Variants in ASB2 observed in about 807,000 individuals in gnomAD.
ASB2 encodes ankyrin repeat and SOCS box containing 2.
A neutral mutation model predicts 62.4 loss-of-function variants in ASB2; 58 were observed. The ratio of observed to expected loss-of-function variants is 0.93; its 90% CI spans 0.75 to 1.16. ASB2 has a LOEUF of 1.16. ASB2 is among the 50% of genes most tolerant of loss of function. ASB2 has a pLI of 0.00. For missense variants in ASB2, 928 were observed against 887.9 expected, an observed-to-expected ratio of 1.05 and a Z score of -0.57; for synonymous variants, 386 against 385.3, an observed-to-expected ratio of 1.00 and a Z score of -0.02.
chr14:93,937,229 G>T (rs1888302166), intron 9 of ASB2, among the ~76,000 whole-genome samples: 1 of 152,202 alleles, frequency 6.6e-6, no homozygotes, highest in Non-Finnish European at 1.5e-5. Flanking sequence ...TTGAAATGCA[G>T]ACTCCCCGGC....
chr14:93,934,247 C>T lies in ASB2; in HGVS notation c.*409G>A, dbSNP rs1311313103. Reference sequence around the variant, plus strand: ...TCCCCCTACCCCCTACCTTGGGCCACGTCTTCATCTTAGTCTTTGGAGAGA... The same window carrying T: ...TCCCCCTACCCCCTACCTTGGGCCATGTCTTCATCTTAGTCTTTGGAGAGA... On this transcript the variant is annotated 3_prime_UTR_variant, in exon 10 of 10. Coordinates refer to ENST00000555019, the MANE Select transcript of ASB2 (RefSeq NM_001202429.2). The T allele has an allele frequency of 1.1e-5, 5 of 457,266 alleles. No individual in the cohort carries two copies. The highest frequency in any genetic ancestry group is 1.8e-5 in the Non-Finnish European group (4 of 228,418). The allele number at this position is 457,266 out of a possible 1,614,324, so 28.3% of individuals were successfully genotyped here. A position where few individuals can be genotyped will look rare whatever the true frequency, so the allele number is the denominator to read the frequency against.
chr14:93,950,671 G>C (rs536437883), intron 6 of ASB2, among the ~76,000 whole-genome samples: 1 of 152,316 alleles, frequency 6.6e-6, no homozygotes, highest in South Asian at 2.1e-4. Flanking sequence ...CTATAGATAA[G>C]TCACTTCCTC....
At chr14:93,940,713 C>T (rs1049667833) in intron 7 of ASB2, among the ~76,000 whole-genome samples, 1 of 152,232 alleles carries the variant, frequency 6.6e-6, no homozygotes, top group African/African-American at 2.4e-5. Flanking sequence ...CTGCAACCAC[C>T]AGTTCCTCTC....
intron 2 of ASB2, among the ~76,000 whole-genome samples, chr14:93,961,540 A>G (rs1465236285): frequency 2.0e-5 from 3 of 152,354 alleles, no homozygotes; most frequent in Non-Finnish European, 4.4e-5. Flanking sequence ...GAGAGCAAGT[A>G]AGAGGTGAAA....
chr14:93,969,137 T>C (rs754728222), intron 1 of ASB2, among the ~76,000 whole-genome samples: 1 of 152,192 alleles, frequency 6.6e-6, no homozygotes, highest in Non-Finnish European at 1.5e-5. Context: ...AAAGGGTTCA[T>C]GTGTGTACAG....
intron 2 of ASB2, among the ~76,000 whole-genome samples, chr14:93,962,442 C>A (rs1371639897): frequency 6.6e-6 from 1 of 152,164 alleles, no homozygotes; most frequent in African/African-American, 2.4e-5. Context: ...AGAACCGAAC[C>A]TAGGAGGTTT....
chr14:93,939,018 C>T, intron 8 of ASB2, 90 bp downstream of exon 8: 1 of 1,209,966 alleles, frequency 8.3e-7, no homozygotes, highest in Non-Finnish European at 1.1e-6. Context: ...GGAGCGCGAA[C>T]CACCCGGCCC....
At chr14:93,956,668 G>GC in intron 3 of ASB2, 98 bp downstream of exon 3, 1 of 1,527,056 alleles carries the variant, frequency 6.5e-7, no homozygotes, top group South Asian at 1.1e-5. Flanking sequence ...AGTGCCCTCT[G>GC]CCCTCCTGGG....
Position 93,964,215 on chromosome 14 carries a change from G to A in ASB2, c.206+119C>T, listed in dbSNP as rs1029391836. 33 of 857,068 alleles carry A rather than the reference G, an allele frequency of 3.9e-5. No homozygotes were observed. The East Asian group carries it at 4.0e-4, about 10-fold the overall frequency. The allele number at this position is 857,068 out of a possible 1,614,324, so 53.1% of individuals were successfully genotyped here. A position where few individuals can be genotyped will look rare whatever the true frequency, so the allele number is the denominator to read the frequency against. On this transcript the variant is annotated intron_variant, in intron 2 of 9. Transcript: ENST00000555019. ...TCAGATAACAAATGTAAATGGGAAA[G>A]GTGTGAAAAGCAACCTAGAGACCAG...
At chr14:93,961,565 G>A (rs921981046) in intron 2 of ASB2, among the ~76,000 whole-genome samples, 3 of 152,238 alleles carry the variant, frequency 2.0e-5, no homozygotes, top group Non-Finnish European at 2.9e-5. Flanking sequence ...AGCTGGCCCG[G>A]GAGAGTGGTC....
intron 2 of ASB2, among the ~76,000 whole-genome samples, chr14:93,960,984 T>C (rs112699876): frequency 2.1e-4 from 32 of 150,866 alleles, no homozygotes; most frequent in African/African-American, 6.4e-4. Context: ...AATAAATAAA[T>C]AAACAGTATC....
At chr14:93,945,124 A>G (rs1208557594) in intron 7 of ASB2, among the ~76,000 whole-genome samples, 1 of 152,168 alleles carries the variant, frequency 6.6e-6, no homozygotes, top group African/African-American at 2.4e-5. Flanking sequence ...GGAGATTCTG[A>G]TTCACCGGAT....
intron 8 of ASB2, 26 bp from the exon 9 acceptor site, chr14:93,937,877 G>A (rs377227565): frequency 6.3e-7 from 1 of 1,575,062 alleles, no homozygotes; most frequent in African/African-American, 1.3e-5. Context: ...CCGGGACCAA[G>A]AAGTGAGTTC....
At chr14:93,964,861 A>C (rs1283807534) in intron 1 of ASB2, among the ~76,000 whole-genome samples, 3 of 151,634 alleles carry the variant, frequency 2.0e-5, no homozygotes, top group Non-Finnish European at 4.4e-5. Flanking sequence ...CCATCTACCC[A>C]CCGAGCTATA....
At chr14:93,958,521 G>A (rs1397548580) in intron 2 of ASB2, among the ~76,000 whole-genome samples, 2 of 152,198 alleles carry the variant, frequency 1.3e-5, no homozygotes, top group African/African-American at 4.8e-5. Flanking sequence ...TCCCCGCTCT[G>A]TGCCTCAGTT....
intron 2 of ASB2, among the ~76,000 whole-genome samples, chr14:93,963,972 G>C (rs1261181526): frequency 6.6e-6 from 1 of 152,126 alleles, no homozygotes; most frequent in African/African-American, 2.4e-5. Flanking sequence ...TTCAAGGGAG[G>C]CTGTGTTGTA....
At chr14:93,944,761 G>A (rs573178009) in intron 7 of ASB2, among the ~76,000 whole-genome samples, 13 of 152,316 alleles carry the variant, frequency 8.5e-5, no homozygotes, top group Admixed American at 3.9e-4. Context: ...AATTCGCCCT[G>A]GGAATCCACG....
chr14:93,971,579 G>A (rs1889757358), intron 1 of ASB2, among the ~76,000 whole-genome samples: 1 of 152,216 alleles, frequency 6.6e-6, no homozygotes, highest in Admixed American at 6.5e-5. Context: ...TGCAAAGCCT[G>A]TGGTTCAGAT....
chr14:93,941,551 C>A, intron 7 of ASB2: 1 of 419,428 alleles, frequency 2.4e-6, no homozygotes, highest in South Asian at 1.7e-5. Flanking sequence ...CTCCTAATTT[C>A]TATTTGTGTA....
Sources: allele counts gnomAD v4.1 joint callset (sites outside exome capture counted in the v4.1 genomes callset), GRCh38; gene constraint gnomAD v4.1.1; transcripts MANE v1.5; gene names NCBI Gene and HGNC (gene_info 2026-07-23, HGNC 2026-07-21).